UGT1A8: variants seen among roughly 807,000 people sequenced by gnomAD.
The protein encoded by UGT1A8 is UDP-glucuronosyltransferase 1A8.
In UGT1A8, 39 loss-of-function variants were observed where a neutral mutation model predicts 45.3. That is an observed-to-expected ratio of 0.86 (90% CI 0.67 to 1.12). UGT1A8 has a LOEUF of 1.12. Among genes scored for constraint, UGT1A8 ranks in the 50% most tolerant of loss-of-function variants. The pLI is 0.00. For missense variants in UGT1A8, 719 were observed against 664.9 expected, an observed-to-expected ratio of 1.08 and a Z score of -0.90; for synonymous variants, 275 against 249.2, an observed-to-expected ratio of 1.10 and a Z score of -0.97.
chr2:233,656,864 A>G (rs1048779816), intron 1 of UGT1A8, among the ~76,000 whole-genome samples: 6 of 151,496 alleles, frequency 4.0e-5, no homozygotes, highest in Admixed American at 3.9e-4. Context: ...GGGCATCCCT[A>G]TTAAGATGTG....
At chr2:233,699,073 C>T (rs1349522020) in intron 1 of UGT1A8, among the ~76,000 whole-genome samples, 1 of 152,198 alleles carries the variant, frequency 6.6e-6, no homozygotes, top group African/African-American at 2.4e-5. Context: ...CTGCCCAGGG[C>T]CTTCTCTCTA....
At chr2:233,759,652 C>G (rs35665780) in intron 1 of UGT1A8, among the ~76,000 whole-genome samples, 1 of 121,978 alleles carries the variant, frequency 8.2e-6, no homozygotes, top group East Asian at 2.9e-4. Context: ...TTCACGATTT[C>G]TAAGTTCCTG....
intron 1 of UGT1A8, chr2:233,671,738 C>A: frequency 8.2e-7 from 1 of 1,225,364 alleles, no homozygotes; most frequent in Non-Finnish European, 1.1e-6. Context: ...GGAAAACATA[C>A]AAATAGATAT....
chr2:233,676,948 G>T (rs1392373524), intron 1 of UGT1A8, among the ~76,000 whole-genome samples: 2 of 152,014 alleles, frequency 1.3e-5, no homozygotes, highest in African/African-American at 4.8e-5. Flanking sequence ...TGAAATATTT[G>T]ATTACTATAG....
chr2:233,678,846 T>G (rs892864220), intron 1 of UGT1A8, among the ~76,000 whole-genome samples: 4 of 152,204 alleles, frequency 2.6e-5, no homozygotes, highest in Non-Finnish European at 5.9e-5. Context: ...ATCCCCAACA[T>G]TTTGTTGCTG....
intron 1 of UGT1A8, chr2:233,636,884 T>A: frequency 1.2e-6 from 2 of 1,614,128 alleles, no homozygotes; most frequent in Non-Finnish European, 1.7e-6. Flanking sequence ...GACTTATTTT[T>A]TTCGCATTGC....
Position 233,730,160 on chromosome 2 carries a change from G to A in UGT1A8, c.856-36874G>A, listed in dbSNP as rs546399055. 7.2e-5 allele frequency among the ~76,000 whole-genome samples: 11 copies of A among 152,316 alleles called. No homozygotes were observed. The East Asian group carries it at 1.7e-3, about 24-fold the overall frequency. On this transcript the variant is annotated intron_variant, in intron 1 of 4. Coordinates refer to ENST00000373450, the MANE Select transcript of UGT1A8 (RefSeq NM_019076.5). ...GAGATAAACTGTTAAGGGGTCTCTA[G>A]TAGCGTATTTCAGGTTTTAAATGGT...
At position 233,773,226 on chromosome 2, in the gene UGT1A8, A is replaced by C. The variant is rs989910459; in HGVS notation, c.*667A>C. 2 of 152,382 alleles carry C rather than the reference A, an allele frequency of 1.3e-5. No homozygotes were observed. Among genetic ancestry groups the C allele is most frequent in the Non-Finnish European group, 2.9e-5 (2 of 68,036 alleles). 9.4% of individuals were successfully genotyped at this position (152,382 alleles called of 1,614,324 possible). ...ATAAAAACCCAAAATACAGCTATGA[A>C]GTGCTGGGCAAGTTTACTTTTTTTC... On this transcript the variant is annotated 3_prime_UTR_variant, in exon 5 of 5. Coordinates refer to ENST00000373450, the MANE Select transcript of UGT1A8 (RefSeq NM_019076.5).
chr2:233,692,981 G>A lies in UGT1A8; in HGVS notation c.856-74053G>A, dbSNP rs746849497. 62 of 1,613,094 alleles carry A rather than the reference G, an allele frequency of 3.8e-5. No individual in the cohort carries two copies. The South Asian group carries it at 4.8e-4, about 13-fold the overall frequency. ...TGGAGAGTGAAAACTCTTTATTACC[G>A]TTGTTACTTTAACTCTTTCCAGGAT... On this transcript the variant is annotated intron_variant, in intron 1 of 4. Coordinates refer to ENST00000373450, the MANE Select transcript of UGT1A8 (RefSeq NM_019076.5).
chr2:233,772,282 G>T lies in UGT1A8; in HGVS notation c.1316G>T (p.Arg439Leu), dbSNP rs748166510. 6.2e-7 allele frequency: 1 copy of T among 1,614,194 alleles called. No homozygotes were observed. Among genetic ancestry groups the T allele is most frequent in the Non-Finnish European group, 8.5e-7 (1 of 1,180,040 alleles). The change falls in exon 5 of 5, where the codon CGC becomes CTC. Residue 439 changes from arginine (R) to leucine (L), a missense_variant. By Grantham distance (102) the Arg-to-Leu change is moderately radical. Transcript: ENST00000373450. ...TTTAGTTACAAGGAGAACATCATGC[G>T]CCTCTCCAGCCTTCACAAGGACCGC... ...NDKSYKENIM[R>L]LSSLHKDRPV...
At chr2:233,691,386 TG>T (rs761017193) in intron 1 of UGT1A8, 81 of 985,468 alleles carry the variant, frequency 8.2e-5, no homozygotes, top group Non-Finnish European at 9.6e-5. Flanking sequence ...ATGTTCCCCA[TG>T]GGGGCCAGCC....
At chr2:233,689,171 A>G (rs1031704673) in intron 1 of UGT1A8, among the ~76,000 whole-genome samples, 7 of 152,202 alleles carry the variant, frequency 4.6e-5, no homozygotes, top group African/African-American at 1.7e-4. Flanking sequence ...ATCTTCTACT[A>G]GGACAGGTGC....
chr2:233,633,221 A>G (rs976147600), intron 1 of UGT1A8, among the ~76,000 whole-genome samples: 3 of 152,132 alleles, frequency 2.0e-5, no homozygotes, highest in African/African-American at 7.2e-5. Flanking sequence ...CCAGTACTTT[A>G]TTGAGGATAT....
rs1699312675 is a variant in UGT1A8, at chr2:233,767,039, T to C, written c.861T>C (p.Phe287=). The change falls in exon 2 of 5, where the codon TTT becomes TTC. Residue 287 remains phenylalanine, a synonymous_variant. Transcript: ENST00000373450. ...AATTTTTCTTCTGGCTCTAGGAATT[T>C]GAAGCCTACATTAATGCTTCTGGAG... ...CHQGKPLPME[F]EAYINASGEH... 1 of 1,614,136 alleles carries C rather than the reference T, an allele frequency of 6.2e-7. No homozygotes were observed. The highest frequency in any genetic ancestry group is 1.1e-5 in the South Asian group (1 of 91,058).
chr2:233,646,168 A>G (rs902170037), intron 1 of UGT1A8, among the ~76,000 whole-genome samples: 3 of 152,202 alleles, frequency 2.0e-5, no homozygotes, highest in African/African-American at 4.8e-5. Flanking sequence ...TTTTGGACAC[A>G]GCTGGAGCAG....
intron 1 of UGT1A8, among the ~76,000 whole-genome samples, chr2:233,746,718 T>C (rs1161016418): frequency 6.6e-6 from 1 of 151,822 alleles, no homozygotes; most frequent in Non-Finnish European, 1.5e-5. Flanking sequence ...ATAAGGGAAT[T>C]AGCAATGGAT....
At chr2:233,688,902 G>A (rs1305603391) in intron 1 of UGT1A8, among the ~76,000 whole-genome samples, 1 of 152,140 alleles carries the variant, frequency 6.6e-6, no homozygotes, top group African/African-American at 2.4e-5. Context: ...AGAAGTTGGG[G>A]GGATGGTGTG....
chr2:233,686,219 G>C lies in UGT1A8; in HGVS notation c.855+67657G>C, dbSNP rs1013973575. ...AGAAGAAAAAATTAGAAAAATATTT[G>C]TGACCTTGGATTTGGAAATGGTTTC... On this transcript the variant is annotated intron_variant, in intron 1 of 4. Coordinates refer to ENST00000373450, the MANE Select transcript of UGT1A8 (RefSeq NM_019076.5). Among the ~76,000 whole-genome samples the C allele has an allele frequency of 2.0e-5, 3 of 151,618 alleles. No individual in the cohort carries two copies. In the East Asian group the frequency reaches 5.8e-4, roughly 29 times the overall value.
intron 1 of UGT1A8, chr2:233,754,922 T>C: frequency 7.4e-7 from 1 of 1,349,928 alleles, no homozygotes; most frequent in South Asian, 1.1e-5. Flanking sequence ...CCAGCGGGTT[T>C]CCCAAGAGGT....
Sources: allele counts gnomAD v4.1 joint callset (sites outside exome capture counted in the v4.1 genomes callset), GRCh38; gene constraint gnomAD v4.1.1; transcripts MANE v1.5; gene names NCBI Gene and HGNC (gene_info 2026-07-23, HGNC 2026-07-21).